Variants in CSMD2 observed in about 807,000 individuals in gnomAD.
CSMD2 encodes the protein CUB and Sushi multiple domains 2, also known as CUB and sushi domain-containing protein 2.
Under a neutral mutation model 398.5 loss-of-function variants are expected in CSMD2, and 130 were observed. The observed-to-expected ratio is 0.33, with a 90% CI of 0.28 to 0.38. The LOEUF (loss-of-function observed/expected upper bound fraction) is 0.38. CSMD2 is among the 10% of genes least tolerant of loss of function. The pLI is 1.00. For synonymous variants in CSMD2, 1,828 were observed against 1,908.5 expected, an observed-to-expected ratio of 0.96 and a Z score of 1.10; for missense variants, 3,829 against 4,764.9, an observed-to-expected ratio of 0.80 and a Z score of 5.78.
intron 55 of CSMD2, among the ~76,000 whole-genome samples, chr1:33,552,997 A>G (rs891683812): frequency 1.3e-5 from 2 of 152,250 alleles, no homozygotes; most frequent in Non-Finnish European, 2.9e-5. Context: ...GAAAGAAAAG[A>G]TTGTCAGATA....
At chr1:33,691,717 G>A (rs1317688242) in intron 25 of CSMD2, among the ~76,000 whole-genome samples, 1 of 152,086 alleles carries the variant, frequency 6.6e-6, no homozygotes, top group African/African-American at 2.4e-5. Context: ...AAATAACCCT[G>A]GTGGACCGAC....
Position 33,532,964 on chromosome 1 carries a change from C to A in CSMD2, c.10171+86G>T. On this transcript the variant is annotated intron_variant, in intron 64 of 70. Transcript: ENST00000373381. ...CAGCTCCTTGAAACGCAATTCCTTCCTTCTCTTTTGCCCTCTTTCAGCTCA... is the reference window on the plus strand; with the variant it reads ...CAGCTCCTTGAAACGCAATTCCTTCATTCTCTTTTGCCCTCTTTCAGCTCA... 3.2e-6 allele frequency: 4 copies of A among 1,264,586 alleles called. No homozygotes were observed. In the East Asian group the frequency reaches 9.6e-5, roughly 30 times the overall value. The allele number at this position is 1,264,586 out of a possible 1,614,324, so 78.3% of individuals were successfully genotyped here.
At chr1:33,907,768 C>T (rs1440790353) in intron 5 of CSMD2, among the ~76,000 whole-genome samples, 1 of 151,992 alleles carries the variant, frequency 6.6e-6, no homozygotes, top group African/African-American at 2.4e-5. Context: ...TTGTGTGAAT[C>T]CTGCCTCTCT....
intron 3 of CSMD2, among the ~76,000 whole-genome samples, chr1:33,952,907 T>C (rs552087823): frequency 6.6e-6 from 1 of 152,374 alleles, no homozygotes; most frequent in Admixed American, 6.5e-5. Flanking sequence ...TGTGAGATTG[T>C]CAGCCATATG....
At chr1:33,736,566 T>G (rs1478084578) in intron 15 of CSMD2, among the ~76,000 whole-genome samples, 1 of 152,210 alleles carries the variant, frequency 6.6e-6, no homozygotes, top group African/African-American at 2.4e-5. Context: ...CTTGAAGGTT[T>G]CAATGCATCG....
intron 2 of CSMD2, among the ~76,000 whole-genome samples, chr1:34,088,573 A>G (rs957151592): frequency 6.6e-6 from 1 of 152,258 alleles, no homozygotes; most frequent in Non-Finnish European, 1.5e-5. Context: ...AGCAAAGTCC[A>G]GAAAAGTATT....
intron 5 of CSMD2, among the ~76,000 whole-genome samples, chr1:33,896,467 C>T (rs1050020322): frequency 1.3e-5 from 2 of 152,192 alleles, no homozygotes; most frequent in African/African-American, 4.8e-5. Context: ...ACAAGTACAA[C>T]TATTTTTACC....
chr1:33,523,931 T>C (rs1654542104), intron 66 of CSMD2, among the ~76,000 whole-genome samples: 1 of 152,240 alleles, frequency 6.6e-6, no homozygotes, highest in Non-Finnish European at 1.5e-5. Flanking sequence ...TATCTATCCA[T>C]CTATTCAACA....
intron 25 of CSMD2, among the ~76,000 whole-genome samples, chr1:33,669,692 T>C (rs1036083661): frequency 6.6e-6 from 1 of 152,208 alleles, no homozygotes; most frequent in African/African-American, 2.4e-5. Context: ...CCTGTGTGAC[T>C]GTGACCTTAT....
chr1:33,664,835 T>G (rs1450875222), intron 25 of CSMD2, among the ~76,000 whole-genome samples: 5 of 151,822 alleles, frequency 3.3e-5, no homozygotes, highest in Middle Eastern at 3.2e-3. Context: ...AAAAAGAAAA[T>G]AAAATAAATA....
chr1:34,161,064 G>T (rs1288296000), intron 1 of CSMD2, among the ~76,000 whole-genome samples: 1 of 152,134 alleles, frequency 6.6e-6, no homozygotes, highest in Non-Finnish European at 1.5e-5. Flanking sequence ...AATAATTGAG[G>T]ATATGAAACT....
At chr1:33,647,342 C>T (rs1174896606) in intron 28 of CSMD2, among the ~76,000 whole-genome samples, 1 of 151,598 alleles carries the variant, frequency 6.6e-6, no homozygotes, top group Non-Finnish European at 1.5e-5. Context: ...CAGCTCTCCT[C>T]AGGGTCTGCT....
intron 3 of CSMD2, among the ~76,000 whole-genome samples, chr1:33,946,765 C>T (rs905469966): frequency 1.5e-4 from 18 of 117,532 alleles, no homozygotes; most frequent in African/African-American, 2.3e-4. Flanking sequence ...ATTACAGGCG[C>T]GCACCACCCA....
At chr1:33,767,842 C>T (rs945787296) in intron 13 of CSMD2, among the ~76,000 whole-genome samples, 2 of 152,148 alleles carry the variant, frequency 1.3e-5, no homozygotes, top group Admixed American at 6.5e-5. Flanking sequence ...TATTTTTATC[C>T]TAAGGCTTCC....
intron 6 of CSMD2, among the ~76,000 whole-genome samples, chr1:33,841,281 C>G (rs1660823695): frequency 6.6e-6 from 1 of 152,146 alleles, no homozygotes; most frequent in Admixed American, 6.5e-5. Context: ...GCCAGAGGCA[C>G]CAGCTCTTTC....
rs748267782 is a variant in CSMD2, at chr1:33,810,810, T to C, written c.1379A>G (p.Asn460Ser). Reference protein sequence around the residue: ...RGPSGIITSPNFPIQYDNNAH... With the variant: ...RGPSGIITSPSFPIQYDNNAH... ...ATTGTTGTCATACTGAATGGGGAAA[T>C]TGGGGGAGGTGATGATGCCCGAGGG... Residue 460 changes from asparagine to serine, a missense_variant, in exon 10 of 71, where the codon AAT becomes AGT. This residue lies in a region of CSMD2 where 2,001 missense variants were observed against 2,567.1 expected (regional missense o/e 0.78). Transcript: ENST00000373381. 1.2e-5 allele frequency: 19 copies of C among 1,612,402 alleles called. No homozygotes were observed. The African/African-American group carries it at 1.3e-4, about 11-fold the overall frequency.
At chr1:33,999,619 T>G (rs1169949095) in intron 3 of CSMD2, among the ~76,000 whole-genome samples, 2 of 152,056 alleles carry the variant, frequency 1.3e-5, no homozygotes, top group African/African-American at 4.8e-5. Context: ...CTCAAACTCC[T>G]GGGCCCAAGT....
Position 33,868,600 on chromosome 1 carries a change from G to T in CSMD2, c.921-21604C>A, listed in dbSNP as rs568424049. On this transcript the variant is annotated intron_variant, in intron 5 of 70. Transcript: ENST00000373381. The stretch of plus-strand genomic sequence containing the variant: ...AAAATACAAAAATTAGCCAGGTGTG[G>T]TGGCACGTGCCTGTAATCTCAGCTA... Among the ~76,000 whole-genome samples, 92 of 152,246 alleles carry T rather than the reference G, an allele frequency of 6.0e-4. 1 individual carries two copies. The highest frequency in any genetic ancestry group is 2.1e-3 in the African/African-American group (88 of 41,536).
At chr1:33,649,537 G>C (rs578056112) in intron 28 of CSMD2, among the ~76,000 whole-genome samples, 14 of 152,122 alleles carry the variant, frequency 9.2e-5, no homozygotes, top group Non-Finnish European at 1.8e-4. Flanking sequence ...CCAGCTACTC[G>C]GGAGGCTGAG....
Sources: gnomAD v4.1 joint callset for allele counts (sites outside exome capture counted in the v4.1 genomes callset) on GRCh38, gnomAD v4.1.1 for gene constraint, gnomAD v4.1.1 regional missense constraint, MANE v1.5 for transcripts, NCBI Gene and HGNC (gene_info 2026-07-23, HGNC 2026-07-21) for gene names.